The following ROBO1 variants were observed in gnomAD, a reference collection of about 807,000 sequenced individuals.
ROBO1 encodes the protein roundabout guidance receptor 1, also known as roundabout homolog 1.
A neutral mutation model predicts 195.9 loss-of-function variants in ROBO1; 149 were observed. The observed-to-expected ratio is 0.76, with a 90% confidence interval of 0.67 to 0.87. The LOEUF (loss-of-function observed/expected upper bound fraction) is 0.87, where lower values mean the gene tolerates loss of function less well. Ranked by LOEUF, ROBO1 falls within the 40% of genes least tolerant of loss-of-function variation. The pLI is 0.00. For missense variants in ROBO1, 1,933 were observed against 2,068.3 expected (o/e 0.93, Z 1.27); for synonymous variants, 816 against 733.2 (o/e 1.11, Z -1.82).
intron 2 of ROBO1, among the ~76,000 whole-genome samples, chr3:79,490,958 C>T (rs1330277039): frequency 6.6e-6 from 1 of 152,130 alleles, no homozygotes; most frequent in Non-Finnish European, 1.5e-5. Flanking sequence ...CCTTCTCTCT[C>T]TCCCTGGATC....
At chr3:79,299,253 A>G (rs1046220984) in intron 2 of ROBO1, among the ~76,000 whole-genome samples, 3 of 152,198 alleles carry the variant, frequency 2.0e-5, no homozygotes, top group Middle Eastern at 3.2e-3. Flanking sequence ...TAGAGAAAAG[A>G]GCATGAGCTT....
At chr3:78,905,622 C>A (rs556234127) in intron 4 of ROBO1, among the ~76,000 whole-genome samples, 35 of 151,748 alleles carry the variant, frequency 2.3e-4, no homozygotes, top group Non-Finnish European at 3.7e-4. Context: ...AACACACACA[C>A]ACAAAAACTC....
rs572911076 is a variant in ROBO1, at chr3:79,057,631, A to AT, written c.172+67824dup. ...CCATTTCTATTACCCTGGAAATAACATCCCTCTGTTCTTCTCTTCCTCCTT... is the reference window on the plus strand; with the variant it reads ...CCATTTCTATTACCCTGGAAATAACATTCCCTCTGTTCTTCTCTTCCTCCTT... On this transcript the variant is annotated intron_variant, in intron 3 of 30. Coordinates refer to ENST00000464233, the MANE Select transcript of ROBO1 (RefSeq NM_002941.4). 2.1e-3 allele frequency among the ~76,000 whole-genome samples: 318 copies of AT among 152,098 alleles called. 6 individuals are homozygous for AT. The highest frequency in any genetic ancestry group is 5.9e-4 in the Non-Finnish European group (40 of 67,980).
chr3:79,501,761 C>G (rs553708101), intron 2 of ROBO1, among the ~76,000 whole-genome samples: 1 of 152,102 alleles, frequency 6.6e-6, no homozygotes, highest in Non-Finnish European at 1.5e-5. Context: ...TTTAAAAAAA[C>G]AAATCTATGT....
chr3:79,034,277 T>G (rs1222441724), intron 3 of ROBO1, among the ~76,000 whole-genome samples: 1 of 152,146 alleles, frequency 6.6e-6, no homozygotes, highest in Non-Finnish European at 1.5e-5. Flanking sequence ...TACTCAGAAT[T>G]TTTTACAGTT....
chr3:79,222,662 T>C (rs555181928), intron 2 of ROBO1, among the ~76,000 whole-genome samples: 5 of 152,104 alleles, frequency 3.3e-5, no homozygotes, highest in African/African-American at 1.2e-4. Context: ...CATTTGTTTA[T>C]TATCAACATA....
At chr3:78,786,346 G>T (rs1378798953) in intron 4 of ROBO1, among the ~76,000 whole-genome samples, 9 of 152,134 alleles carry the variant, frequency 5.9e-5, no homozygotes, top group Admixed American at 2.6e-4. Context: ...ACAAGTTTCA[G>T]TAAATTTCAA....
intron 2 of ROBO1, among the ~76,000 whole-genome samples, chr3:79,503,458 C>T (rs913560210): frequency 6.6e-6 from 1 of 152,162 alleles, no homozygotes; most frequent in African/African-American, 2.4e-5. Context: ...CTACCAATTC[C>T]GGACACACAA....
At chr3:78,948,712 G>A (rs2040596681) in intron 3 of ROBO1, among the ~76,000 whole-genome samples, 1 of 152,200 alleles carries the variant, frequency 6.6e-6, no homozygotes, top group Non-Finnish European at 1.5e-5. Context: ...TAGGAAAAGA[G>A]TAAGTCAAAC....
intron 3 of ROBO1, among the ~76,000 whole-genome samples, chr3:79,095,320 C>A (rs978790165): frequency 1.3e-5 from 2 of 151,998 alleles, no homozygotes; most frequent in East Asian, 3.9e-4. Flanking sequence ...TTAGAGACTA[C>A]TTGGATTAAA....
chr3:79,670,067 T>C (rs1210016719), intron 1 of ROBO1, among the ~76,000 whole-genome samples: 1 of 151,826 alleles, frequency 6.6e-6, no homozygotes, highest in Non-Finnish European at 1.5e-5. Context: ...CAAACTGAAG[T>C]AAGCAAGCAA....
chr3:79,640,054 G>A (rs1945610924), intron 1 of ROBO1, among the ~76,000 whole-genome samples: 1 of 152,088 alleles, frequency 6.6e-6, no homozygotes, highest in Admixed American at 6.5e-5. Flanking sequence ...AATTGGTATT[G>A]AGTCAGCAGT....
intron 4 of ROBO1, among the ~76,000 whole-genome samples, chr3:78,880,934 T>C (rs1032314409): frequency 2.6e-5 from 4 of 152,212 alleles, no homozygotes; most frequent in African/African-American, 9.6e-5. Flanking sequence ...CATTTAAATA[T>C]AGCTTAGAAA....
At chr3:78,711,395 C>CTT (rs1190489949) in intron 8 of ROBO1, among the ~76,000 whole-genome samples, 1 of 43,246 alleles carries the variant, frequency 2.3e-5, no homozygotes, top group African/African-American at 9.6e-5. Context: ...TCCTTCCTTC[C>CTT]TTCCTTTCTT....
At chr3:79,563,690 G>A (rs1942999287) in intron 2 of ROBO1, among the ~76,000 whole-genome samples, 1 of 152,034 alleles carries the variant, frequency 6.6e-6, no homozygotes, top group South Asian at 2.1e-4. Flanking sequence ...TCATAAAGTT[G>A]CTTGAATTGC....
chr3:79,292,720 C>T (rs1010275415), intron 2 of ROBO1, among the ~76,000 whole-genome samples: 10 of 152,096 alleles, frequency 6.6e-5, no homozygotes, highest in African/African-American at 2.2e-4. Context: ...ATCCCAAGGA[C>T]GAAGCCAACT....
intron 1 of ROBO1, among the ~76,000 whole-genome samples, chr3:79,652,488 T>C (rs1198918443): frequency 2.0e-5 from 3 of 152,108 alleles, no homozygotes; most frequent in Non-Finnish European, 4.4e-5. Flanking sequence ...TTGCATTGCC[T>C]TAACTTTGGG....
At chr3:79,515,879 C>A (rs1940921916) in intron 2 of ROBO1, among the ~76,000 whole-genome samples, 1 of 152,104 alleles carries the variant, frequency 6.6e-6, no homozygotes, top group African/African-American at 2.4e-5. Flanking sequence ...ACATCTTTTG[C>A]AACTTTGCAT....
At position 79,173,682 on chromosome 3, in the gene ROBO1, G is replaced by A. The variant is rs982163003; in HGVS notation, c.89-48143C>T. Among the ~76,000 whole-genome samples, 6 of 152,208 alleles carry A rather than the reference G, an allele frequency of 3.9e-5. No individual in the cohort carries two copies. In the East Asian group the frequency reaches 7.8e-4, roughly 20 times the overall value. On this transcript the variant is annotated intron_variant, in intron 2 of 30. Coordinates refer to ENST00000464233, the MANE Select transcript of ROBO1 (RefSeq NM_002941.4). ...CTGCTCCACGGTGCCCAGTCCCACC[G>A]ACCACCCAAGGGCTGAGGAGTGCGG...
Sources: gnomAD v4.1 joint callset for allele counts (sites outside exome capture counted in the v4.1 genomes callset) on GRCh38, gnomAD v4.1.1 for gene constraint, MANE v1.5 for transcripts, NCBI Gene and HGNC (gene_info 2026-07-23, HGNC 2026-07-21) for gene names.